GLRA2: variants seen among roughly 807,000 people sequenced by gnomAD.
GLRA2 encodes the protein glycine receptor alpha 2, also known as glycine receptor subunit alpha-2.
GLRA2 carries 11 observed loss-of-function variants against 31.6 expected under a neutral mutation model. The ratio of observed to expected loss-of-function variants is 0.35; its 90% CI spans 0.22 to 0.58. GLRA2 has a LOEUF of 0.58. Ranked by LOEUF, GLRA2 falls within the 20% of genes least tolerant of loss-of-function variation. The pLI is 0.84. For missense variants in GLRA2, 212 were observed against 351.8 expected, an observed-to-expected ratio of 0.60 and a Z score of 3.18; for synonymous variants, 132 against 134.0, an observed-to-expected ratio of 0.99 and a Z score of 0.10.
At chrX:14,531,733 G>A (rs191047904) in intron 1 of GLRA2, among the ~76,000 whole-genome samples, 1 of 111,238 alleles carries the variant, frequency 9.0e-6, no homozygotes, top group Non-Finnish European at 1.9e-5. Context: ...ATAGTTGATA[G>A]TTGGATTAGA....
the GLRA2 span, among the ~76,000 whole-genome samples, chrX:14,463,707 A>C: frequency 9.1e-6 from 1 of 109,404 alleles, no homozygotes; most frequent in Non-Finnish European, 1.9e-5. Flanking sequence ...CTGTTCTGCC[A>C]GTTGTGAAGA....
chrX:14,543,103 T>G (rs950089195), intron 2 of GLRA2, among the ~76,000 whole-genome samples: 1 of 108,345 alleles, frequency 9.2e-6, no homozygotes, highest in Non-Finnish European at 1.9e-5. Flanking sequence ...TTTTACGAAA[T>G]GAAGGGGGAA....
At chrX:14,662,710 A>C (rs1273394281) in intron 7 of GLRA2, among the ~76,000 whole-genome samples, 1 of 111,813 alleles carries the variant, frequency 8.9e-6, no homozygotes, top group African/African-American at 3.2e-5. Flanking sequence ...TCAACAGGCA[A>C]ACAATTTATA....
intron 7 of GLRA2, among the ~76,000 whole-genome samples, chrX:14,619,499 T>C (rs1019678806): frequency 1.4e-4 from 15 of 111,085 alleles, no homozygotes; most frequent in Non-Finnish European, 2.6e-4. Flanking sequence ...ATAGAGGGCA[T>C]GTGCTCTGGG....
At chrX:14,559,419 C>CTTTTTTTTTTTTTT (rs753470377) in intron 2 of GLRA2, among the ~76,000 whole-genome samples, 2 of 48,577 alleles carry the variant, frequency 4.1e-5, no homozygotes, top group African/African-American at 1.1e-4. Context: ...GGGGCCATTT[C>CTTTTTTTTTTTTTT]TTTTTTTTTT....
At chrX:14,698,519 A>T (rs886542637) in intron 8 of GLRA2, among the ~76,000 whole-genome samples, 3 of 107,718 alleles carry the variant, frequency 2.8e-5, no homozygotes, top group African/African-American at 1.0e-4. Flanking sequence ...CTCTACTAAA[A>T]ATACAAAAAT....
At chrX:14,621,915 T>C (rs964199564) in intron 7 of GLRA2, among the ~76,000 whole-genome samples, 5 of 112,206 alleles carry the variant, frequency 4.5e-5, no homozygotes, top group Non-Finnish European at 7.5e-5. Flanking sequence ...TTTCTAGTTC[T>C]AGATCCTTGA....
At chrX:14,542,001 A>G (rs1443130650) in intron 2 of GLRA2, among the ~76,000 whole-genome samples, 2 of 111,043 alleles carry the variant, frequency 1.8e-5, no homozygotes, top group South Asian at 7.6e-4. Flanking sequence ...TGGGCCCCAC[A>G]CCTCTCCATC....
intron 8 of GLRA2, among the ~76,000 whole-genome samples, chrX:14,708,712 G>A (rs763424965): frequency 1.7e-4 from 19 of 111,665 alleles, no homozygotes; most frequent in South Asian, 7.5e-4. Context: ...CGAGGTGGGC[G>A]GATGGCCTGG....
At chrX:14,636,621 G>A (rs1162972325) in intron 7 of GLRA2, among the ~76,000 whole-genome samples, 1 of 110,865 alleles carries the variant, frequency 9.0e-6, no homozygotes, top group Non-Finnish European at 1.9e-5. Context: ...ATGTAACATG[G>A]TATCCTGGAT....
chrX:14,574,746 G>A lies in GLRA2; in HGVS notation c.270+346G>A, dbSNP rs146266186. Among the ~76,000 whole-genome samples the A allele has an allele frequency of 6.1e-4, 68 of 111,819 alleles. 2 individuals carry two copies. The East Asian group carries it at 0.018, about 30-fold the overall frequency. On this transcript the variant is annotated intron_variant, in intron 3 of 8. Coordinates refer to ENST00000218075, the MANE Select transcript of GLRA2 (RefSeq NM_002063.4). ...TCAAGTGTTCATTACTTAATATTCA[G>A]TGATCTTATATCTATCGTGCCAGAG...
At chrX:14,704,808 G>C (rs1448829822) in intron 8 of GLRA2, among the ~76,000 whole-genome samples, 7 of 111,872 alleles carry the variant, frequency 6.3e-5, no homozygotes. Context: ...TTTTGTTTTA[G>C]ATAAGGGGCA....
At chrX:14,546,334 C>T in intron 2 of GLRA2, among the ~76,000 whole-genome samples, 1 of 111,600 alleles carries the variant, frequency 9.0e-6, no homozygotes, top group Middle Eastern at 4.7e-3. Context: ...CATTTAAGTG[C>T]ATCCTTTAAT....
intron 3 of GLRA2, among the ~76,000 whole-genome samples, chrX:14,575,186 T>C (rs1416867654): frequency 9.8e-6 from 1 of 102,300 alleles, no homozygotes; most frequent in African/African-American, 3.8e-5. Flanking sequence ...TCAGATACTA[T>C]AAAATCTACC....
chrX:14,478,119 A>G, the GLRA2 span, among the ~76,000 whole-genome samples: 1 of 111,321 alleles, frequency 9.0e-6, no homozygotes, highest in African/African-American at 3.3e-5. Context: ...AGATACAAAG[A>G]AAGAGAAGGA....
chrX:14,685,148 G>C (rs958891858), intron 7 of GLRA2, among the ~76,000 whole-genome samples: 13 of 111,822 alleles, frequency 1.2e-4, no homozygotes, highest in African/African-American at 4.2e-4. Flanking sequence ...AACCAGCCTT[G>C]CATCCCAGGG....
At chrX:14,691,521 T>C in intron 8 of GLRA2, among the ~76,000 whole-genome samples, 1 of 111,738 alleles carries the variant, frequency 8.9e-6, no homozygotes, top group Middle Eastern at 4.6e-3. Flanking sequence ...TTGAAATGCA[T>C]AGCTCAAGAT....
At chrX:14,498,484 A>AT in the GLRA2 span, among the ~76,000 whole-genome samples, 6 of 110,637 alleles carry the variant, frequency 5.4e-5, no homozygotes, top group African/African-American at 6.5e-5. Flanking sequence ...TTATTTTTAA[A>AT]TTTTTTTATA....
intron 7 of GLRA2, among the ~76,000 whole-genome samples, chrX:14,620,654 G>C (rs984391785): frequency 9.0e-6 from 1 of 110,516 alleles, no homozygotes; most frequent in African/African-American, 3.3e-5. Flanking sequence ...CACAAAATGG[G>C]GACTGGGACT....
Sources: allele counts gnomAD v4.1 joint callset (sites outside exome capture counted in the v4.1 genomes callset), GRCh38; gene constraint gnomAD v4.1.1; transcripts MANE v1.5; gene names NCBI Gene and HGNC (gene_info 2026-07-23, HGNC 2026-07-21).